The following GPR19 variants were observed in gnomAD, a reference collection of about 807,000 sequenced individuals.
The protein encoded by GPR19 is G protein-coupled receptor 19.
In GPR19, 14 loss-of-function variants were observed where a neutral mutation model predicts 28.5. The observed-to-expected ratio is 0.49, with a 90% CI of 0.32 to 0.77. GPR19 has a LOEUF of 0.77. Ranked by LOEUF, GPR19 falls within the 30% of genes least tolerant of loss-of-function variation. GPR19 has a pLI of 0.03. For missense variants in GPR19, 409 were observed against 504.1 expected (o/e 0.81, Z 1.81); for synonymous variants, 173 against 184.1 (o/e 0.94, Z 0.49).
intron 2 of GPR19, among the ~76,000 whole-genome samples, chr12:12,686,274 A>G (rs1053127036): frequency 2.6e-5 from 4 of 152,246 alleles, no homozygotes; most frequent in Non-Finnish European, 5.9e-5. Flanking sequence ...TCCTTCCTGG[A>G]TCAACATCCT....
the GPR19 span, chr12:12,716,940 C>G: frequency 6.1e-6 from 6 of 985,230 alleles, no homozygotes; most frequent in Non-Finnish European, 7.2e-6. Context: ...CTCGCCACCC[C>G]GGCTCCTAGC....
At chr12:12,689,586 CT>C (rs59726887) in intron 2 of GPR19, among the ~76,000 whole-genome samples, 15,056 of 148,216 alleles carry the variant, frequency 0.1, 841 homozygotes, top group African/African-American at 0.15. Flanking sequence ...GGATTAGACA[CT>C]TTTTTTTTTT....
chr12:12,703,378 G>A, the GPR19 span: 18 of 985,330 alleles, frequency 1.8e-5, no homozygotes, highest in South Asian at 4.7e-5. Context: ...GCGTGAGTGC[G>A]TGTTCGTGTG....
intron 3 of GPR19, among the ~76,000 whole-genome samples, chr12:12,669,660 C>T (rs891439041): frequency 6.6e-6 from 1 of 152,142 alleles, no homozygotes; most frequent in African/African-American, 2.4e-5. Flanking sequence ...AGGAGTATGG[C>T]AAACACCAAA....
At chr12:12,696,329 C>A (rs113385443), upstream of GPR19, 42 of 135,606 alleles carry the variant, frequency 3.1e-4, no homozygotes, top group African/African-American at 1.1e-3. Flanking sequence ...GCGTTGAGAT[C>A]CCACCCGCCC....
chr12:12,716,858 C>G, the GPR19 span: 1 of 984,472 alleles, frequency 1.0e-6, no homozygotes, highest in Non-Finnish European at 1.2e-6. Context: ...CCAGCCCCCC[C>G]AGCAAACGCT....
At chr12:12,713,397 G>A in the GPR19 span, among the ~76,000 whole-genome samples, 6 of 151,984 alleles carry the variant, frequency 3.9e-5, no homozygotes, top group East Asian at 1.9e-4. Context: ...CACTTGCTCC[G>A]CCCTATCCAC....
chr12:12,664,366 A>C (rs1201955971), intron 3 of GPR19, among the ~76,000 whole-genome samples: 1 of 152,062 alleles, frequency 6.6e-6, no homozygotes, highest in East Asian at 1.9e-4. Context: ...CTTCACCAAA[A>C]AGCTATATTC....
intron 2 of GPR19, among the ~76,000 whole-genome samples, chr12:12,688,084 C>T (rs1946120589): frequency 6.6e-6 from 1 of 152,100 alleles, no homozygotes; most frequent in African/African-American, 2.4e-5. Context: ...AAAAGGTGTT[C>T]AAAGTATAAG....
At chr12:12,673,687 G>A (rs1945887362) in intron 3 of GPR19, among the ~76,000 whole-genome samples, 1 of 152,164 alleles carries the variant, frequency 6.6e-6, no homozygotes, top group African/African-American at 2.4e-5. Flanking sequence ...GTAGGAATGA[G>A]CTTGTTATGT....
chr12:12,691,348 C>A (rs188058740), intron 2 of GPR19, among the ~76,000 whole-genome samples: 1 of 152,112 alleles, frequency 6.6e-6, no homozygotes, highest in East Asian at 1.9e-4. Flanking sequence ...AAACTCAACC[C>A]CTGTGACCTC....
At chr12:12,678,954 G>A (rs925404253) in intron 3 of GPR19, among the ~76,000 whole-genome samples, 5 of 152,030 alleles carry the variant, frequency 3.3e-5, no homozygotes, top group Admixed American at 6.6e-5. Context: ...ACGCCACCAC[G>A]CCCAGCTAAT....
chr12:12,671,305 C>A (rs372377780), intron 3 of GPR19, among the ~76,000 whole-genome samples: 17 of 146,122 alleles, frequency 1.2e-4, no homozygotes, highest in South Asian at 2.2e-4. Flanking sequence ...GACTCCCTCT[C>A]AAAAAAAAAA....
chr12:12,675,519 C>T (rs750448651), intron 3 of GPR19, among the ~76,000 whole-genome samples: 23 of 152,100 alleles, frequency 1.5e-4, no homozygotes, highest in Non-Finnish European at 2.5e-4. Flanking sequence ...AGGTTATGAA[C>T]CTTAAAGTGG....
chr12:12,692,420 G>A (rs888118555), intron 2 of GPR19, among the ~76,000 whole-genome samples: 4 of 151,964 alleles, frequency 2.6e-5, no homozygotes, highest in Non-Finnish European at 4.4e-5. Context: ...CAGGTTAATG[G>A]CGGGGTTTTG....
chr12:12,671,278 C>G (rs958690264), intron 3 of GPR19, among the ~76,000 whole-genome samples: 9 of 150,434 alleles, frequency 6.0e-5, no homozygotes, highest in Admixed American at 2.0e-4. Context: ...TGCACTCCAA[C>G]CCAGACAACA....
chr12:12,701,481 A>G, the GPR19 span, among the ~76,000 whole-genome samples: 1 of 152,208 alleles, frequency 6.6e-6, no homozygotes. Flanking sequence ...AAAGGGAGAG[A>G]AAATCCTAAT....
intron 2 of GPR19, among the ~76,000 whole-genome samples, chr12:12,694,131 A>C (rs139132434): frequency 2.0e-3 from 289 of 147,210 alleles, no homozygotes; most frequent in African/African-American, 7.1e-3. Flanking sequence ...CCAGGGCATT[A>C]GGATTTTTTT....
At chr12:12,664,279 G>C (rs2136318067) in intron 3 of GPR19, among the ~76,000 whole-genome samples, 1 of 152,180 alleles carries the variant, frequency 6.6e-6, no homozygotes, top group African/African-American at 2.4e-5. Context: ...TGTAGCAATT[G>C]CGCCCAGCCC....
Sources: allele counts gnomAD v4.1 joint callset (sites outside exome capture counted in the v4.1 genomes callset), GRCh38; gene constraint gnomAD v4.1.1; transcripts MANE v1.5; gene names NCBI Gene and HGNC (gene_info 2026-07-23, HGNC 2026-07-21).